CNTNAP2: variants seen among roughly 807,000 people sequenced by gnomAD.
CNTNAP2 encodes the protein contactin-associated protein-like 2.
In CNTNAP2, 98 loss-of-function variants were observed where a neutral mutation model predicts 155.2. The ratio of observed to expected loss-of-function variants is 0.63; its 90% confidence interval spans 0.54 to 0.75. The LOEUF is 0.75. CNTNAP2 is among the 30% of genes least tolerant of loss of function. CNTNAP2 has a pLI of 0.00. For missense variants in CNTNAP2, 1,727 were observed against 1,688.1 expected, an observed-to-expected ratio of 1.02 and a Z score of -0.40; for synonymous variants, 651 against 631.2, an observed-to-expected ratio of 1.03 and a Z score of -0.47.
At chr7:147,747,987 G>T (rs1479971523) in intron 13 of CNTNAP2, among the ~76,000 whole-genome samples, 1 of 152,250 alleles carries the variant, frequency 6.6e-6, no homozygotes, top group African/African-American at 2.4e-5. Context: ...AACAGCAAGT[G>T]AGGCGTCAGC....
chr7:148,302,817 T>C (rs1158752623), intron 21 of CNTNAP2, among the ~76,000 whole-genome samples: 1 of 135,408 alleles, frequency 7.4e-6, no homozygotes, highest in South Asian at 2.6e-4. Flanking sequence ...ATTATTCTTT[T>C]TTTTTTTTTT....
intron 1 of CNTNAP2, among the ~76,000 whole-genome samples, chr7:146,150,710 C>G (rs7778662): frequency 0.42 from 63,592 of 151,644 alleles, 15,272 homozygotes; most frequent in East Asian, 0.61. Flanking sequence ...GATAGTGGCC[C>G]AACTTTAGGT....
chr7:147,956,954 T>C (rs1014470398), intron 14 of CNTNAP2, among the ~76,000 whole-genome samples: 2 of 152,224 alleles, frequency 1.3e-5, no homozygotes, highest in African/African-American at 2.4e-5. Context: ...GGTCTCCATG[T>C]AACGCATAAC....
intron 1 of CNTNAP2, among the ~76,000 whole-genome samples, chr7:146,132,379 G>A (rs1208617544): frequency 6.6e-6 from 1 of 151,926 alleles, no homozygotes; most frequent in Non-Finnish European, 1.5e-5. Context: ...AATCTGGAGT[G>A]GAACCTATAA....
chr7:146,245,610 A>G (rs887021057), intron 1 of CNTNAP2, among the ~76,000 whole-genome samples: 1 of 152,048 alleles, frequency 6.6e-6, no homozygotes. Context: ...GTTGTTTTGT[A>G]AGGGATTGAG....
rs1206920882 is a variant in CNTNAP2, at chr7:148,418,454, A to ATAGAC, written c.*2840_*2844dup. Reference sequence around the variant, plus strand: ...GTATAGACAACAACAACGACAAAAAATAGACTGTTTTAAAGTTTCAGGGAA... The same window carrying ATAGAC: ...GTATAGACAACAACAACGACAAAAAATAGACTAGACTGTTTTAAAGTTTCAGGGAA... On this transcript the variant is annotated 3_prime_UTR_variant, in exon 24 of 24. Coordinates refer to ENST00000361727, the MANE Select transcript of CNTNAP2 (RefSeq NM_014141.6). The ATAGAC allele has an allele frequency of 6.6e-6, 1 of 152,224 alleles. No individual in the cohort carries two copies. Among genetic ancestry groups the ATAGAC allele is most frequent in the African/African-American group, 2.4e-5 (1 of 41,434 alleles). The allele number at this position is 152,224 out of a possible 1,614,324, so 9.4% of individuals were successfully genotyped here.
chr7:148,084,271 A>G (rs1803673571), intron 15 of CNTNAP2, among the ~76,000 whole-genome samples: 1 of 152,212 alleles, frequency 6.6e-6, no homozygotes, highest in Non-Finnish European at 1.5e-5. Context: ...AGAGTTTTAC[A>G]GAGGCTTTGG....
At chr7:147,177,349 C>T (rs1234278636) in intron 8 of CNTNAP2, among the ~76,000 whole-genome samples, 1 of 152,030 alleles carries the variant, frequency 6.6e-6, no homozygotes, top group Admixed American at 6.6e-5. Flanking sequence ...CTCACGAGAG[C>T]TGATGGTTTT....
intron 9 of CNTNAP2, among the ~76,000 whole-genome samples, chr7:147,342,552 T>C (rs1795782772): frequency 6.6e-6 from 1 of 152,184 alleles, no homozygotes; most frequent in South Asian, 2.1e-4. Flanking sequence ...TAAAGAAGAT[T>C]CTATACTTAT....
chr7:147,789,146 A>G (rs1797782414), intron 13 of CNTNAP2, among the ~76,000 whole-genome samples: 1 of 151,632 alleles, frequency 6.6e-6, no homozygotes, highest in South Asian at 2.1e-4. Context: ...ACCTCAAGTG[A>G]TCTGCCCGCC....
rs187413235 is a variant in CNTNAP2 at position 147,851,933 on chromosome 7, T to C, written c.2099-51632T>C. On this transcript the variant is annotated intron_variant, in intron 13 of 23. Transcript: ENST00000361727. ...ATAAATAATAAGAATAATAATAAATTATTTTTCTGATTTGTTTAAAAAAAA... is the reference window on the plus strand; with the variant it reads ...ATAAATAATAAGAATAATAATAAATCATTTTTCTGATTTGTTTAAAAAAAA... Among the ~76,000 whole-genome samples the C allele has an allele frequency of 2.3e-4, 35 of 151,896 alleles. 2 individuals are homozygous for C. The East Asian group carries it at 6.4e-3, about 28-fold the overall frequency.
chr7:146,895,279 TCCTTC>T (rs764961211), intron 3 of CNTNAP2, among the ~76,000 whole-genome samples: 4 of 150,152 alleles, frequency 2.7e-5, no homozygotes, highest in Admixed American at 6.7e-5. Context: ...CTTCTTTCCT[TCCTTC>T]CTTCCTTCCC....
intron 21 of CNTNAP2, among the ~76,000 whole-genome samples, chr7:148,288,289 C>G (rs1009724076): frequency 6.8e-6 from 1 of 146,112 alleles, no homozygotes; most frequent in Non-Finnish European, 1.5e-5. Context: ...TTAGTAGAGG[C>G]GGGGTTTCAC....
intron 10 of CNTNAP2, among the ~76,000 whole-genome samples, chr7:147,461,123 GA>G (rs752687133): frequency 2.3e-4 from 35 of 152,124 alleles, no homozygotes; most frequent in Non-Finnish European, 3.2e-4. Flanking sequence ...CACGACACTT[GA>G]AAAGAAAACA....
At chr7:147,508,804 T>G (rs1273997514) in intron 11 of CNTNAP2, among the ~76,000 whole-genome samples, 2 of 152,172 alleles carry the variant, frequency 1.3e-5, no homozygotes, top group Non-Finnish European at 2.9e-5. Flanking sequence ...ATGTAAGACA[T>G]GCCTATGACT....
At chr7:148,366,629 T>C (rs1404286577) in intron 21 of CNTNAP2, among the ~76,000 whole-genome samples, 1 of 152,236 alleles carries the variant, frequency 6.6e-6, no homozygotes, top group Non-Finnish European at 1.5e-5. Context: ...ATAGAATCTT[T>C]TGAAGACAAT....
intron 21 of CNTNAP2, among the ~76,000 whole-genome samples, chr7:148,323,443 A>G (rs542247204): frequency 7.2e-6 from 1 of 139,016 alleles, no homozygotes; most frequent in East Asian, 2.2e-4. Context: ...TTTTTTTTTT[A>G]ATTGTTTGCC....
chr7:146,707,041 C>A (rs965080123), intron 1 of CNTNAP2, among the ~76,000 whole-genome samples: 1 of 152,058 alleles, frequency 6.6e-6, no homozygotes, highest in Non-Finnish European at 1.5e-5. Flanking sequence ...GAAAATTAGC[C>A]ACGTCGTAAA....
chr7:146,868,406 T>G (rs1044133142), intron 3 of CNTNAP2, among the ~76,000 whole-genome samples: 1 of 152,196 alleles, frequency 6.6e-6, no homozygotes, highest in Non-Finnish European at 1.5e-5. Context: ...ACCATGCTGT[T>G]TTCATTCCTT....
Sources: allele counts gnomAD v4.1 joint callset (sites outside exome capture counted in the v4.1 genomes callset), GRCh38; gene constraint gnomAD v4.1.1; transcripts MANE v1.5; gene names NCBI Gene and HGNC (gene_info 2026-07-23, HGNC 2026-07-21).